FAXC: variants seen among roughly 807,000 people sequenced by gnomAD.
The protein encoded by FAXC is failed axon connections homolog, metaxin like GST domain containing, also known as failed axon connections homolog.
FAXC carries 10 observed loss-of-function variants against 41.9 expected under a neutral mutation model. That is an observed-to-expected ratio of 0.24 (90% CI 0.15 to 0.41). The LOEUF (loss-of-function observed/expected upper bound fraction) is 0.41. Among genes scored for constraint, FAXC ranks in the 10% least tolerant of loss-of-function variants. The pLI, the probability that FAXC is intolerant of heterozygous loss-of-function variation, is 1.00. For missense variants in FAXC, 399 were observed against 510.9 expected (o/e 0.78, Z 2.11); for synonymous variants, 183 against 183.8 (o/e 1.00, Z 0.03).
At chr6:99,314,795 C>T (rs991129725) in intron 4 of FAXC, among the ~76,000 whole-genome samples, 15 of 152,178 alleles carry the variant, frequency 9.9e-5, no homozygotes, top group African/African-American at 2.2e-4. Context: ...TCCTTGAAAG[C>T]ACCCAGCTGC....
At chr6:99,292,285 G>A (rs1300921021) in intron 4 of FAXC, among the ~76,000 whole-genome samples, 2 of 152,332 alleles carry the variant, frequency 1.3e-5, no homozygotes, top group East Asian at 1.9e-4. Context: ...CTCCTTAAGA[G>A]GTTTGGAGGT....
intron 4 of FAXC, among the ~76,000 whole-genome samples, chr6:99,293,990 C>T (rs146313910): frequency 5.1e-4 from 78 of 152,056 alleles, no homozygotes; most frequent in Admixed American, 1.2e-3. Context: ...TGTTACAGCA[C>T]AAATGAAGCA....
At chr6:99,346,677 G>A (rs1009741017) in intron 1 of FAXC, among the ~76,000 whole-genome samples, 3 of 152,080 alleles carry the variant, frequency 2.0e-5, no homozygotes, top group Non-Finnish European at 4.4e-5. Flanking sequence ...TGGGATTACA[G>A]GCGTAAGCTG....
intron 5 of FAXC, among the ~76,000 whole-genome samples, chr6:99,285,533 C>A (rs770570160): frequency 6.6e-6 from 1 of 152,174 alleles, no homozygotes; most frequent in Non-Finnish European, 1.5e-5. Flanking sequence ...AAAGGATTTA[C>A]ATTAAATCCT....
chr6:99,293,708 G>GTGTGTT, intron 4 of FAXC, among the ~76,000 whole-genome samples: 1 of 91,996 alleles, frequency 1.1e-5, no homozygotes, highest in Non-Finnish European at 2.5e-5. Flanking sequence ...GTGTGTGTGT[G>GTGTGTT]TGTGTCTGTG....
At chr6:99,281,708 G>A (rs1248067741) in intron 5 of FAXC, among the ~76,000 whole-genome samples, 2 of 152,212 alleles carry the variant, frequency 1.3e-5, no homozygotes, top group Non-Finnish European at 2.9e-5. Flanking sequence ...ACAGCACTGT[G>A]TCCAGGAAGC....
chr6:99,341,122 G>A (rs549553001), intron 2 of FAXC, among the ~76,000 whole-genome samples: 1 of 152,004 alleles, frequency 6.6e-6, no homozygotes, highest in African/African-American at 2.4e-5. Context: ...AAATTAATAA[G>A]CATAAACACA....
At position 99,285,716 on chromosome 6, in the gene FAXC, T is replaced by A. The variant is rs143279958; in HGVS notation, c.941-4263A>T. ...AAACAAAGTGATATTCTCAGACAAC[T>A]TGAGAGGATATTTATCAGAAAGCCG... is the stretch of plus-strand genomic sequence containing the variant. On this transcript the variant is annotated intron_variant, in intron 5 of 5. Coordinates refer to ENST00000389677, the MANE Select transcript of FAXC (RefSeq NM_032511.4). 4.2e-4 allele frequency among the ~76,000 whole-genome samples: 64 copies of A among 152,226 alleles called. 1 individual carries two copies. Among genetic ancestry groups the A allele is most frequent in the Admixed American group, 2.8e-3 (43 of 15,290 alleles).
intron 4 of FAXC, among the ~76,000 whole-genome samples, chr6:99,304,695 T>C (rs1205111259): frequency 1.3e-5 from 2 of 152,230 alleles, no homozygotes; most frequent in African/African-American, 4.8e-5. Flanking sequence ...ATTGAGTGCC[T>C]ACTGTTTACT....
rs767528567 is a variant in FAXC, at chr6:99,349,208, T to C, written c.165A>G (p.Ala55=). 1.2e-6 allele frequency: 2 copies of C among 1,613,934 alleles called. No homozygotes were observed. Among genetic ancestry groups the C allele is most frequent in the Non-Finnish European group, 1.7e-6 (2 of 1,180,008 alleles). ...FPLQDYGGIM[A]GLGSDPWWKK... ...TCCACCAGGGATCGGAGCCCAGCCCTGCCATGATCCCACCGTAATCCTGCA... is the reference window on the plus strand; with the variant it reads ...TCCACCAGGGATCGGAGCCCAGCCCCGCCATGATCCCACCGTAATCCTGCA... Residue 55 remains alanine (A), a synonymous_variant, in exon 1 of 6, where the codon GCA becomes GCG. Coordinates refer to ENST00000389677, the MANE Select transcript of FAXC (RefSeq NM_032511.4).
intron 4 of FAXC, among the ~76,000 whole-genome samples, chr6:99,299,238 T>A (rs899630143): frequency 1.3e-5 from 2 of 152,210 alleles, no homozygotes; most frequent in African/African-American, 2.4e-5. Context: ...AACTTCTGAA[T>A]CTCATCTCCT....
chr6:99,314,755 A>T (rs1366224079), intron 4 of FAXC, among the ~76,000 whole-genome samples: 1 of 152,060 alleles, frequency 6.6e-6, no homozygotes, highest in Non-Finnish European at 1.5e-5. Flanking sequence ...GCTCTCACAC[A>T]ATTTCCAGAC....
At chr6:99,339,318 G>A (rs368608661) in intron 2 of FAXC, among the ~76,000 whole-genome samples, 1 of 152,214 alleles carries the variant, frequency 6.6e-6, no homozygotes, top group African/African-American at 2.4e-5. Flanking sequence ...AAAGCAAAAG[G>A]ACCAGAGTAG....
chr6:99,318,260 AACACACACAC>A (rs71021723), intron 4 of FAXC, among the ~76,000 whole-genome samples: 2 of 64,774 alleles, frequency 3.1e-5, no homozygotes, highest in Non-Finnish European at 6.5e-5. Flanking sequence ...CTCCGTCTCA[AACACACACAC>A]ACACACACAC....
At chr6:99,301,476 T>C (rs1582637829) in intron 4 of FAXC, among the ~76,000 whole-genome samples, 1 of 152,150 alleles carries the variant, frequency 6.6e-6, no homozygotes, top group African/African-American at 2.4e-5. Context: ...CCCACAAAAA[T>C]TAAAAATCAA....
intron 4 of FAXC, among the ~76,000 whole-genome samples, chr6:99,316,500 C>T (rs961053844): frequency 1.3e-5 from 2 of 152,044 alleles, no homozygotes; most frequent in Admixed American, 1.3e-4. Context: ...AATGTGGCAC[C>T]TGCCTTTCCA....
chr6:99,333,152 T>G (rs1464588380), intron 3 of FAXC, among the ~76,000 whole-genome samples, 199 bp downstream of exon 3: 1 of 152,220 alleles, frequency 6.6e-6, no homozygotes, highest in Non-Finnish European at 1.5e-5. Context: ...TGGCTGGTCC[T>G]GTACAGAAAT....
At chr6:99,316,467 T>C (rs2128458023) in intron 4 of FAXC, among the ~76,000 whole-genome samples, 1 of 152,348 alleles carries the variant, frequency 6.6e-6, no homozygotes, top group African/African-American at 2.4e-5. Flanking sequence ...TTTCTCAGCA[T>C]GCCAGAGCTA....
intron 2 of FAXC, among the ~76,000 whole-genome samples, chr6:99,340,257 C>A (rs1382431182): frequency 2.0e-5 from 3 of 151,714 alleles, no homozygotes; most frequent in African/African-American, 7.3e-5. Flanking sequence ...ACGCCACTAC[C>A]GCCCAGCTAA....
Sources: gnomAD v4.1 joint callset for allele counts (sites outside exome capture counted in the v4.1 genomes callset) on GRCh38, gnomAD v4.1.1 for gene constraint, MANE v1.5 for transcripts, NCBI Gene and HGNC (gene_info 2026-07-23, HGNC 2026-07-21) for gene names.